TPO: variants seen among roughly 807,000 people sequenced by gnomAD.
The protein encoded by TPO is thyroid peroxidase.
A neutral mutation model predicts 96.9 loss-of-function variants in TPO; 78 were observed. The ratio of observed to expected loss-of-function variants is 0.81; its 90% confidence interval spans 0.67 to 0.97. The LOEUF (loss-of-function observed/expected upper bound fraction) is 0.97. TPO is among the 50% of genes least tolerant of loss of function. The pLI is 0.00. For missense variants in TPO, 1,252 were observed against 1,274.8 expected, an observed-to-expected ratio of 0.98 and a Z score of 0.27; for synonymous variants, 547 against 538.0, an observed-to-expected ratio of 1.02 and a Z score of -0.23.
At chr2:1,454,454 C>G (rs1667603181) in intron 6 of TPO, among the ~76,000 whole-genome samples, 1 of 152,176 alleles carries the variant, frequency 6.6e-6, no homozygotes, top group Non-Finnish European at 1.5e-5. Context: ...TACACCAGCA[C>G]AGAGTTCCCC....
intron 15 of TPO, among the ~76,000 whole-genome samples, chr2:1,535,850 TCCCCGAA>T (rs1679522430): frequency 1.6e-5 from 1 of 61,944 alleles, no homozygotes; most frequent in Non-Finnish European, 2.6e-5. Flanking sequence ...GTGTGCAACC[TCCCCGAA>T]TCCCCCCAAC....
Position 1,477,547 on chromosome 2 carries a change from C to T in TPO, c.1281C>T (p.His427=). Residue 427 remains histidine (H), a synonymous_variant, in exon 8 of 17, where the codon CAC becomes CAT. Transcript: ENST00000329066. ...CGGCGCTCAAGGCCCTCAATGCGCA[C>T]TGGAGCGCGGACGCCGTGTACCAGG... ...LAAALKALNA[H]WSADAVYQEA... 6.5e-7 allele frequency: 1 copy of T among 1,536,410 alleles called. No homozygotes were observed. Among genetic ancestry groups the T allele is most frequent in the Non-Finnish European group, 8.7e-7 (1 of 1,146,574 alleles).
chr2:1,504,030 T>A lies in TPO; in HGVS notation c.2469T>A (p.Cys823Ter), dbSNP rs1284272055. 6.2e-7 allele frequency: 1 copy of A among 1,614,164 alleles called. No homozygotes were observed. The highest frequency in any genetic ancestry group is 1.1e-5 in the South Asian group (1 of 91,084). ...GAAACACCAAAGGCGGCTTCCAGTG[T>A]CTCTGCGCGGACCCCTACGAGTTAG... ...RCRNTKGGFQ[C>*]LCADPYELGD... is the part of the protein sequence containing the mutation. The change falls in exon 14 of 17, where the codon TGT becomes TGA. Residue 823 changes from cysteine to a stop codon, truncating the protein, a stop_gained. Transcript: ENST00000329066. LOFTEE classifies it high-confidence loss of function.
intron 13 of TPO, among the ~76,000 whole-genome samples, chr2:1,499,197 GC>G (rs893653673): frequency 1.3e-5 from 2 of 152,028 alleles, no homozygotes; most frequent in Admixed American, 6.6e-5. Flanking sequence ...GTGTGGAGCT[GC>G]CCCCTGTGCG....
intron 14 of TPO, chr2:1,512,598 C>G (rs1440915491): frequency 1.9e-6 from 1 of 530,396 alleles, no homozygotes; most frequent in African/African-American, 2.1e-5. Flanking sequence ...AACACGTCTT[C>G]CCGCTGAGCC....
intron 10 of TPO, among the ~76,000 whole-genome samples, 193 bp from the exon 11 acceptor site, chr2:1,493,609 C>T (rs1672021588): frequency 2.0e-5 from 3 of 148,876 alleles, no homozygotes; most frequent in Admixed American, 2.0e-4. Context: ...GGCAGTGTCA[C>T]AGGGTGGGAC....
At chr2:1,467,502 T>C (rs1669013700) in intron 7 of TPO, among the ~76,000 whole-genome samples, 1 of 152,252 alleles carries the variant, frequency 6.6e-6, no homozygotes, top group Non-Finnish European at 1.5e-5. Context: ...ATTTTGAAGG[T>C]TCCTTTTGGA....
At chr2:1,517,019 A>G (rs1481006540) in intron 15 of TPO, 37 bp downstream of exon 15, 16 of 1,602,408 alleles carry the variant, frequency 1.0e-5, no homozygotes, top group African/African-American at 5.4e-5. Flanking sequence ...CTTAGACACA[A>G]AGCAATCTCC....
chr2:1,487,752 A>T (rs1671309252), intron 9 of TPO, 69 bp from the exon 10 acceptor site: 3 of 1,582,896 alleles, frequency 1.9e-6, no homozygotes, highest in Admixed American at 1.8e-5. Flanking sequence ...AAAAAAAAAA[A>T]TTGAGATATT....
At chr2:1,514,136 G>T (rs576977921) in intron 14 of TPO, among the ~76,000 whole-genome samples, 176 of 152,262 alleles carry the variant, frequency 1.2e-3, no homozygotes, top group Non-Finnish European at 1.7e-3. Flanking sequence ...TCCAGTCTGA[G>T]GGCAGGTGAA....
intron 1 of TPO, among the ~76,000 whole-genome samples, chr2:1,396,857 T>G (rs972630510): frequency 6.6e-6 from 1 of 152,198 alleles, no homozygotes; most frequent in African/African-American, 2.4e-5. Flanking sequence ...AATTTTAAAA[T>G]AAAGCCGCAG....
At chr2:1,377,649 T>C (rs961891849) in intron 1 of TPO, among the ~76,000 whole-genome samples, 4 of 152,206 alleles carry the variant, frequency 2.6e-5, no homozygotes, top group African/African-American at 4.8e-5. Context: ...ACCAAATTCA[T>C]GTCGGTCTTG....
At chr2:1,422,337 C>CCTGGACAGACTTCGTGCAGGTGCTGCG (rs1663712494) in intron 2 of TPO, among the ~76,000 whole-genome samples, 1 of 83,190 alleles carries the variant, frequency 1.2e-5, no homozygotes, top group African/African-American at 4.1e-5. Context: ...AGGCGCCTCT[C>CCTGGACAGACTTCGTGCAGGTGCTGCG]CTGGACCGAC....
intron 14 of TPO, 132 bp downstream of exon 14, chr2:1,504,211 C>A (rs1326645173): frequency 1.3e-6 from 2 of 1,516,318 alleles, no homozygotes; most frequent in Non-Finnish European, 1.8e-6. Flanking sequence ...AGACACCAAG[C>A]CCACGGTGCC....
rs1193090221 is a variant in TPO, at chr2:1,543,569, TGTTTTCCCTA to T, written c.*1097_*1106del. 1 of 152,190 alleles carries T rather than the reference TGTTTTCCCTA, an allele frequency of 6.6e-6. No homozygotes were observed. The highest frequency in any genetic ancestry group is 1.5e-5 in the Non-Finnish European group (1 of 68,032). 9.4% of individuals were successfully genotyped at this position (152,190 alleles called of 1,614,324 possible). ...TTGTGACCCAAAAATACCAGACTGT[TGTTTTCCCTA>T]GGTGCCAGGCCATCCTGTTCTGTGT... On this transcript the variant is annotated 3_prime_UTR_variant, in exon 17 of 17. Transcript: ENST00000329066.
At position 1,430,588 on chromosome 2, in the gene TPO, A is replaced by G. The variant is rs558124232; in HGVS notation, c.180-2850A>G. ...AATTGTAGATCCACCAGCAGCTTGC[A>G]CTCTGCAACTGAAAAAGCCTCAAGT... On this transcript the variant is annotated intron_variant, in intron 3 of 16. Transcript: ENST00000329066. 3.9e-5 allele frequency among the ~76,000 whole-genome samples: 6 copies of G among 152,280 alleles called. No homozygotes were observed. In the East Asian group the frequency reaches 1.2e-3, roughly 29 times the overall value.
At chr2:1,439,983 C>T (rs80255507) in intron 5 of TPO, among the ~76,000 whole-genome samples, 6,748 of 152,282 alleles carry the variant, frequency 0.044, 213 homozygotes, top group South Asian at 0.12. Flanking sequence ...CTAAGTTCCC[C>T]CCCAGCGGTC....
At chr2:1,452,020 ATTC>A (rs1667346817) in intron 5 of TPO, among the ~76,000 whole-genome samples, 1 of 152,212 alleles carries the variant, frequency 6.6e-6, no homozygotes, top group African/African-American at 2.4e-5. Flanking sequence ...TCATTTATAT[ATTC>A]TTCACATTCA....
chr2:1,447,299 C>T (rs1666918589), intron 5 of TPO, among the ~76,000 whole-genome samples: 1 of 152,242 alleles, frequency 6.6e-6, no homozygotes, highest in South Asian at 2.1e-4. Flanking sequence ...TTAACCCAGA[C>T]AGTCTTAAGT....
Sources: allele counts gnomAD v4.1 joint callset (sites outside exome capture counted in the v4.1 genomes callset), GRCh38; gene constraint gnomAD v4.1.1; transcripts MANE v1.5; gene names NCBI Gene and HGNC (gene_info 2026-07-23, HGNC 2026-07-21).